The following CREBL2 variants were observed in gnomAD, a reference collection of about 807,000 sequenced individuals.
CREBL2 encodes the protein cAMP-responsive element-binding protein-like 2.
Under a neutral mutation model 19.5 loss-of-function variants are expected in CREBL2, and 4 were observed. The observed-to-expected ratio is 0.20, with a 90% CI of 0.10 to 0.47. The LOEUF (loss-of-function observed/expected upper bound fraction) is 0.47. Ranked by LOEUF, CREBL2 falls within the 20% of genes least tolerant of loss-of-function variation. The probability of loss-of-function intolerance (pLI) is 0.98; values close to 1 mark genes in which losing one functional copy is unlikely to be tolerated. For synonymous variants in CREBL2, 42 were observed against 46.6 expected, an observed-to-expected ratio of 0.90 and a Z score of 0.40; for missense variants, 85 against 145.1, an observed-to-expected ratio of 0.59 and a Z score of 2.13.
chr12:12,636,968 T>G (rs186282497), intron 2 of CREBL2, among the ~76,000 whole-genome samples: 1 of 152,348 alleles, frequency 6.6e-6, no homozygotes, highest in Non-Finnish European at 1.5e-5. Context: ...TGAACAGTGT[T>G]GTATATATTG....
In CREBL2 at chr12:12,629,186, A is replaced by G. The variant is rs531599876; in HGVS notation, c.16-6591A>G. 3.9e-5 allele frequency among the ~76,000 whole-genome samples: 6 copies of G among 152,310 alleles called. No homozygotes were observed. The East Asian group carries it at 9.6e-4, about 24-fold the overall frequency. On this transcript the variant is annotated intron_variant, in intron 1 of 3. Coordinates refer to ENST00000228865, the MANE Select transcript of CREBL2 (RefSeq NM_001310.4). Reference sequence around the variant, plus strand: ...TGAGATTTTGATAGGAATTTTGTTGAAACTGTAGATCAATTTGAGGAGTAT... The same window carrying G: ...TGAGATTTTGATAGGAATTTTGTTGGAACTGTAGATCAATTTGAGGAGTAT...
At position 12,637,534 on chromosome 12, in the gene CREBL2, A is replaced by C. The variant is rs1208270303; in HGVS notation, c.214-36A>C. On this transcript the variant is annotated intron_variant, in intron 2 of 3. Coordinates refer to ENST00000228865, the MANE Select transcript of CREBL2 (RefSeq NM_001310.4). ...TAAAAGTTAATTTAAATATGTTTTA[A>C]ATTTATATTTATATTTAAAATTAAA... The C allele has an allele frequency of 5.2e-5, 64 of 1,231,970 alleles. 1 individual carries two copies. The highest frequency in any genetic ancestry group is 6.4e-5 in the Non-Finnish European group (61 of 958,152). The allele number at this position is 1,231,970 out of a possible 1,614,324, so 76.3% of individuals were successfully genotyped here. A position where few individuals can be genotyped will look rare whatever the true frequency, so the allele number is the denominator to read the frequency against.
At chr12:12,612,598 A>C (rs1945276904) in intron 1 of CREBL2, among the ~76,000 whole-genome samples, 1 of 151,894 alleles carries the variant, frequency 6.6e-6, no homozygotes, top group South Asian at 2.1e-4. Context: ...TCCCTTACTC[A>C]ATGCCCCATT....
intron 1 of CREBL2, among the ~76,000 whole-genome samples, chr12:12,617,643 C>CTTTTTTTTTTTTTTTTATTTT (rs1945321108): frequency 2.6e-5 from 1 of 38,716 alleles, no homozygotes; most frequent in African/African-American, 8.2e-5. Flanking sequence ...TTTAGTAATT[C>CTTTTTTTTTTTTTTTTATTTT]TTTTTTTTTT....
chr12:12,629,580 T>C (rs1407805506), intron 1 of CREBL2, among the ~76,000 whole-genome samples: 1 of 152,200 alleles, frequency 6.6e-6, no homozygotes, highest in East Asian at 1.9e-4. Flanking sequence ...TTCAAGGAGA[T>C]AGCTTTACTT....
At chr12:12,615,351 A>G (rs774937631) in intron 1 of CREBL2, 1 of 111,078 alleles carries the variant, frequency 9.0e-6, no homozygotes, top group Non-Finnish European at 1.9e-5. Context: ...GCACCTGGCC[A>G]ACTTTTTGCA....
In CREBL2 at chr12:12,642,082, TC is replaced by T; in HGVS notation, c.*86del. 9.6e-7 allele frequency: 1 copy of T among 1,040,938 alleles called. No homozygotes were observed. The highest frequency in any genetic ancestry group is 1.4e-6 in the Non-Finnish European group (1 of 694,796). 64.5% of individuals were successfully genotyped at this position (1,040,938 alleles called of 1,614,324 possible). On this transcript the variant is annotated 3_prime_UTR_variant, in exon 4 of 4. Transcript: ENST00000228865. ...GATGGGCAAGAGTGTACTTCTTGGC[TC>T]CATTTACTACCTACTGCTCAGTAGT...
chr12:12,637,485 C>T, intron 2 of CREBL2, 85 bp from the exon 3 acceptor site: 2 of 898,236 alleles, frequency 2.2e-6, no homozygotes, highest in South Asian at 5.2e-5. Flanking sequence ...GGATTTCTAC[C>T]AGTGGTTCCT....
rs534578611 is a variant in CREBL2, at chr12:12,620,612, A to G, written c.15+8425A>G. On this transcript the variant is annotated intron_variant, in intron 1 of 3. Coordinates refer to ENST00000228865, the MANE Select transcript of CREBL2 (RefSeq NM_001310.4). ...ATTCAGAAACCAAGGAGTAATTTAAATACCACAGAAACCAGTTGAAATCTA... is the reference window on the plus strand; with the variant it reads ...ATTCAGAAACCAAGGAGTAATTTAAGTACCACAGAAACCAGTTGAAATCTA... 3.7e-4 allele frequency among the ~76,000 whole-genome samples: 56 copies of G among 152,336 alleles called. No homozygotes were observed. The South Asian group carries it at 9.9e-3, about 27-fold the overall frequency.
At chr12:12,633,378 T>C (rs976141856) in intron 1 of CREBL2, among the ~76,000 whole-genome samples, 2 of 152,078 alleles carry the variant, frequency 1.3e-5, no homozygotes, top group Non-Finnish European at 2.9e-5. Context: ...GAGGTTGCAG[T>C]GAGCTGAGAT....
chr12:12,624,024 G>T (rs1318099521), intron 1 of CREBL2, among the ~76,000 whole-genome samples: 1 of 152,164 alleles, frequency 6.6e-6, no homozygotes, highest in African/African-American at 2.4e-5. Flanking sequence ...AGGGAATGCA[G>T]CTCCACCAGA....
At chr12:12,640,208 C>T (rs530268033) in intron 3 of CREBL2, among the ~76,000 whole-genome samples, 1 of 152,182 alleles carries the variant, frequency 6.6e-6, no homozygotes. Flanking sequence ...GAGACCAGGG[C>T]GTATCTCAGT....
intron 1 of CREBL2, among the ~76,000 whole-genome samples, chr12:12,634,732 G>A (rs1945461858): frequency 6.6e-6 from 1 of 152,008 alleles, no homozygotes; most frequent in Admixed American, 6.5e-5. Flanking sequence ...AATGTATTTT[G>A]TTGCAATTAT....
At chr12:12,630,143 T>C (rs896106534) in intron 1 of CREBL2, among the ~76,000 whole-genome samples, 1 of 152,182 alleles carries the variant, frequency 6.6e-6, no homozygotes, top group Non-Finnish European at 1.5e-5. Flanking sequence ...TTTCTCCTAT[T>C]CCACTTTTTG....
At chr12:12,614,024 C>T (rs1192465219) in intron 1 of CREBL2, among the ~76,000 whole-genome samples, 16 of 133,102 alleles carry the variant, frequency 1.2e-4, no homozygotes, top group South Asian at 4.7e-4. Flanking sequence ...ACGGAGTCTC[C>T]GCTGTATCGC....
At chr12:12,628,957 C>T (rs574888190) in intron 1 of CREBL2, among the ~76,000 whole-genome samples, 4 of 152,184 alleles carry the variant, frequency 2.6e-5, no homozygotes, top group Non-Finnish European at 5.9e-5. Flanking sequence ...TCTGGATTCT[C>T]TATGCTTTTC....
rs188896853 is a variant in CREBL2, at chr12:12,612,270, C to T, written c.15+83C>T. ...GGCTGAACCTCCGCTATGTAGTCCA[C>T]GCCAACACCCAAGAGACACCTGCCT... On this transcript the variant is annotated intron_variant, in intron 1 of 3. Transcript: ENST00000228865. 8.1e-5 allele frequency: 131 copies of T among 1,608,578 alleles called. No homozygotes were observed. In the African/African-American group the frequency reaches 1.5e-3, roughly 18 times the overall value.
chr12:12,622,678 A>T (rs181301597), intron 1 of CREBL2, among the ~76,000 whole-genome samples: 4 of 152,342 alleles, frequency 2.6e-5, no homozygotes, highest in Non-Finnish European at 5.9e-5. Flanking sequence ...CTTTCTGTAG[A>T]TCTGGCAAAT....
At position 12,644,367 on chromosome 12, in the gene CREBL2, C is replaced by G. The variant is rs147263288; in HGVS notation, c.*2369C>G. The G allele has an allele frequency of 1.5e-3, 227 of 152,380 alleles. 1 individual carries two copies. The highest frequency in any genetic ancestry group is 5.3e-3 in the African/African-American group (219 of 41,554). The allele number at this position is 152,380 out of a possible 1,614,324, so 9.4% of individuals were successfully genotyped here. ...CAGTGAAGGAGCAGCATAGTGAAAT[C>G]CTGGCACCCCTCACCTTTTTGTGAT... On this transcript the variant is annotated 3_prime_UTR_variant, in exon 4 of 4. Transcript: ENST00000228865.
Sources: allele counts gnomAD v4.1 joint callset (sites outside exome capture counted in the v4.1 genomes callset), GRCh38; gene constraint gnomAD v4.1.1; transcripts MANE v1.5; gene names NCBI Gene and HGNC (gene_info 2026-07-23, HGNC 2026-07-21).